Variants in NELL2 observed in about 807,000 individuals in gnomAD.
NELL2 encodes the protein neural EGFL like 2.
NELL2 carries 41 observed loss-of-function variants against 109.6 expected under a neutral mutation model. The ratio of observed to expected loss-of-function variants is 0.37; its 90% CI spans 0.29 to 0.49. NELL2 has a LOEUF of 0.49. Ranked by LOEUF, NELL2 falls within the 20% of genes least tolerant of loss-of-function variation. The pLI is 0.98. For synonymous variants in NELL2, 355 were observed against 344.7 expected (o/e 1.03, Z -0.33); for missense variants, 900 against 1,008.3 (o/e 0.89, Z 1.45).
chr12:44,711,650 A>T (rs1034753232), intron 10 of NELL2, among the ~76,000 whole-genome samples: 7 of 152,076 alleles, frequency 4.6e-5, no homozygotes, highest in African/African-American at 1.7e-4. Context: ...TTTGCCAAAC[A>T]TCTGGGTAAT....
At chr12:44,668,723 C>T (rs1948031515) in intron 12 of NELL2, among the ~76,000 whole-genome samples, 1 of 152,116 alleles carries the variant, frequency 6.6e-6, no homozygotes, top group African/African-American at 2.4e-5. Flanking sequence ...TCACTACTCA[C>T]ATGTACCTCT....
At chr12:44,615,421 T>C (rs1255250181) in intron 13 of NELL2, among the ~76,000 whole-genome samples, 1 of 152,138 alleles carries the variant, frequency 6.6e-6, no homozygotes, top group Non-Finnish European at 1.5e-5. Flanking sequence ...TATTATCTCA[T>C]TTAATCCTTA....
At chr12:44,621,007 G>A (rs771621814) in intron 13 of NELL2, among the ~76,000 whole-genome samples, 25 of 152,000 alleles carry the variant, frequency 1.6e-4, no homozygotes, top group Non-Finnish European at 3.1e-4. Flanking sequence ...GGCCATCAAG[G>A]CACCACATCC....
chr12:44,754,207 T>C (rs1243514222), intron 9 of NELL2, among the ~76,000 whole-genome samples: 1 of 152,216 alleles, frequency 6.6e-6, no homozygotes, highest in Non-Finnish European at 1.5e-5. Flanking sequence ...TAAAGTATGA[T>C]ATTCAGTGTT....
intron 15 of NELL2, among the ~76,000 whole-genome samples, chr12:44,567,802 G>GGC (rs1249583949): frequency 2.0e-5 from 3 of 152,088 alleles, no homozygotes; most frequent in Non-Finnish European, 4.4e-5. Context: ...CGATTGCCCT[G>GGC]ATCAGACAAT....
In NELL2 at chr12:44,776,054, A is replaced by C. The variant is rs1324473106; in HGVS notation, c.859T>G (p.Trp287Gly). ...KGTTYREFES[W>G]IDGCKNCTCL... is the part of the protein sequence containing the mutation. ...GTGCAGTTCTTACAGCCGTCTATCC[A>C]GGACTCAAATTCTCGGTAGGTGGTT... Residue 287 changes from tryptophan to glycine, a missense_variant, in exon 8 of 20, where the codon TGG becomes GGG. This residue lies in a region of NELL2 where 292 missense variants were observed against 265.3 expected (regional missense o/e 1.10). Transcript: ENST00000429094. 5 of 1,614,076 alleles carry C rather than the reference A, an allele frequency of 3.1e-6. No homozygotes were observed. The highest frequency in any genetic ancestry group is 4.2e-6 in the Non-Finnish European group (5 of 1,179,968).
intron 12 of NELL2, among the ~76,000 whole-genome samples, chr12:44,675,397 T>A (rs1018821659): frequency 1.3e-5 from 2 of 152,168 alleles, no homozygotes; most frequent in Non-Finnish European, 2.9e-5. Flanking sequence ...TTTTGTAAGC[T>A]ATACAGTCAT....
At chr12:44,515,742 C>A (rs528990695) in intron 19 of NELL2, among the ~76,000 whole-genome samples, 1 of 151,854 alleles carries the variant, frequency 6.6e-6, no homozygotes, top group East Asian at 1.9e-4. Context: ...TATAGTGACA[C>A]AGTAAAATAA....
At chr12:44,697,349 C>T (rs1032694282) in intron 12 of NELL2, among the ~76,000 whole-genome samples, 3 of 152,124 alleles carry the variant, frequency 2.0e-5, no homozygotes, top group Admixed American at 2.0e-4. Flanking sequence ...ACACCACTCA[C>T]ACACACCCAC....
At chr12:44,679,429 A>G (rs1236080623) in intron 12 of NELL2, among the ~76,000 whole-genome samples, 1 of 152,142 alleles carries the variant, frequency 6.6e-6, no homozygotes, top group African/African-American at 2.4e-5. Flanking sequence ...TACAGGACTC[A>G]AAGCATGAAC....
chr12:44,736,986 A>T (rs1939686000), intron 9 of NELL2, among the ~76,000 whole-genome samples: 1 of 152,008 alleles, frequency 6.6e-6, no homozygotes, highest in Non-Finnish European at 1.5e-5. Flanking sequence ...TTACTCATTG[A>T]TCTGATTTAC....
chr12:44,729,198 A>ATG (rs1939233951), intron 9 of NELL2, among the ~76,000 whole-genome samples: 1 of 152,160 alleles, frequency 6.6e-6, no homozygotes, highest in African/African-American at 2.4e-5. Flanking sequence ...CCACCTAAAA[A>ATG]TGGTAATTTG....
rs536734184 is a variant in NELL2, at chr12:44,778,394, C to T, written c.607-1080G>A. 9.2e-5 allele frequency among the ~76,000 whole-genome samples: 14 copies of T among 152,220 alleles called. No individual in the cohort carries two copies. In the South Asian group the frequency reaches 2.9e-3, roughly 32 times the overall value. On this transcript the variant is annotated intron_variant, in intron 5 of 19. Coordinates refer to ENST00000429094, the MANE Select transcript of NELL2 (RefSeq NM_001145108.2). Reference sequence around the variant, plus strand: ...AAATAAATTGTGTACCAACTCCTATCACTTAGAAGCAGCAACATAAAAACA... The same window carrying T: ...AAATAAATTGTGTACCAACTCCTATTACTTAGAAGCAGCAACATAAAAACA...
intron 9 of NELL2, among the ~76,000 whole-genome samples, chr12:44,757,602 C>T (rs1045263419): frequency 6.6e-6 from 1 of 152,034 alleles, no homozygotes; most frequent in Admixed American, 6.6e-5. Flanking sequence ...ACACCTTGTG[C>T]TAGTGTGGGT....
At chr12:44,718,297 A>C (rs1402773646) in intron 9 of NELL2, among the ~76,000 whole-genome samples, 2 of 152,174 alleles carry the variant, frequency 1.3e-5, no homozygotes, top group African/African-American at 2.4e-5. Context: ...TGGCTACCAC[A>C]ATGGCTACAG....
At position 44,714,734 on chromosome 12, in the gene NELL2, G is replaced by A. The variant is rs770242168; in HGVS notation, c.1002C>T (p.Cys334=). The A allele has an allele frequency of 1.9e-5, 31 of 1,592,582 alleles. No homozygotes were observed. Among genetic ancestry groups the A allele is most frequent in the African/African-American group, 9.5e-5 (7 of 73,796 alleles). The change falls in exon 10 of 20, where the codon TGC becomes TGT. Residue 334 remains cysteine, a synonymous_variant. Coordinates refer to ENST00000429094, the MANE Select transcript of NELL2 (RefSeq NM_001145108.2). ...CAAAGTAGGTTCGTCCTTGAAATTGGCATATCGCTTTGGAGTAAAAAATAC... is the reference window on the plus strand; with the variant it reads ...CAAAGTAGGTTCGTCCTTGAAATTGACATATCGCTTTGGAGTAAAAAATAC... ...GKCCKECKSI[C]QFQGRTYFEG...
intron 13 of NELL2, among the ~76,000 whole-genome samples, 191 bp from the exon 14 acceptor site, chr12:44,611,161 C>T (rs1945608261): frequency 6.6e-6 from 1 of 151,978 alleles, no homozygotes; most frequent in African/African-American, 2.4e-5. Flanking sequence ...TTCACACATT[C>T]ACAAACATTG....
intron 15 of NELL2, among the ~76,000 whole-genome samples, chr12:44,533,844 T>G (rs949328126): frequency 1.3e-5 from 2 of 151,638 alleles, no homozygotes; most frequent in East Asian, 3.9e-4. Flanking sequence ...GCTGAACCAT[T>G]GTAGCTGCCA....
At chr12:44,873,235 T>C (rs909480031) in intron 2 of NELL2, among the ~76,000 whole-genome samples, 3 of 152,158 alleles carry the variant, frequency 2.0e-5, no homozygotes, top group African/African-American at 7.2e-5. Flanking sequence ...GTTAGGCATT[T>C]ACTCTGTCTA....
Sources: allele counts gnomAD v4.1 joint callset (sites outside exome capture counted in the v4.1 genomes callset), GRCh38; gene constraint gnomAD v4.1.1; regional missense constraint gnomAD v4.1.1; transcripts MANE v1.5; gene names NCBI Gene and HGNC (gene_info 2026-07-23, HGNC 2026-07-21).